The following P2RY14 variants were observed in gnomAD, a reference collection of about 807,000 sequenced individuals.
The protein encoded by P2RY14 is P2Y purinoceptor 14.
In P2RY14, 2 loss-of-function variants were observed where a neutral mutation model predicts 0.9. The observed-to-expected ratio is 2.16, with a 90% CI of 0.88 to 6.79. The LOEUF is 6.79. P2RY14 is among the 30% of genes most tolerant of loss of function. The pLI is 0.05. For missense variants in P2RY14, 378 were observed against 400.1 expected, an observed-to-expected ratio of 0.94 and a Z score of 0.47; for synonymous variants, 158 against 147.2, an observed-to-expected ratio of 1.07 and a Z score of -0.53.
At position 151,214,334 on chromosome 3, in the gene P2RY14, C is replaced by T. The variant is rs772689094; in HGVS notation, c.-18G>A. The stretch of plus-strand genomic sequence containing the variant: ...TTGATCATCTTGTAACTTCTGAAGG[C>T]AGAGGCCTGAAAAGAGGTGTGAACT... On this transcript the variant is annotated 5_prime_UTR_variant, in exon 3 of 3. Coordinates refer to ENST00000309170, the MANE Select transcript of P2RY14 (RefSeq NM_014879.4). 1 of 1,604,480 alleles carries T rather than the reference C, an allele frequency of 6.2e-7. No individual in the cohort carries two copies. The highest frequency in any genetic ancestry group is 8.5e-7 in the Non-Finnish European group (1 of 1,175,106).
Position 151,213,451 on chromosome 3 carries a change from C to T in P2RY14, c.866G>A (p.Cys289Tyr), listed in dbSNP as rs780730940. 1 of 1,614,178 alleles carries T rather than the reference C, an allele frequency of 6.2e-7. No individual in the cohort carries two copies. The highest frequency in any genetic ancestry group is 8.5e-7 in the Non-Finnish European group (1 of 1,180,016). Residue 289 changes from cysteine (C) to tyrosine (Y), a missense_variant, in exon 3 of 3, where the codon TGC (cysteine) becomes TAC (tyrosine). Cys to Tyr is a radical substitution (Grantham distance 194). Coordinates refer to ENST00000309170, the MANE Select transcript of P2RY14 (RefSeq NM_014879.4). ...AAAGAAATAAATAATAGGGTCCAAG[C>T]ATACATTTGCAGCAGATAGTAGCAG... ...FTLLLSAANVCLDPIIYFFLC... is the reference protein window; with the variant it reads ...FTLLLSAANVYLDPIIYFFLC...
At position 151,217,783 on chromosome 3, in the gene P2RY14, A is replaced by AT. The variant is rs201322769; in HGVS notation, c.-25+1751dup. Among the ~76,000 whole-genome samples, 833 of 151,860 alleles carry AT rather than the reference A, an allele frequency of 5.5e-3. 7 individuals carry two copies. The highest frequency in any genetic ancestry group is 0.013 in the African/African-American group (524 of 41,424). The stretch of plus-strand genomic sequence containing the variant: ...GTAATTTTTGAACTCTTAAATATTG[A>AT]TTTTTTTTTAAAAGCAGTGGGGTTA... On this transcript the variant is annotated intron_variant, in intron 2 of 2. Transcript: ENST00000309170.
At chr3:151,225,443 T>C (rs1730297176) in intron 1 of P2RY14, among the ~76,000 whole-genome samples, 4 of 152,192 alleles carry the variant, frequency 2.6e-5, no homozygotes, top group Admixed American at 2.6e-4. Context: ...CAAGTGAGCA[T>C]GTGAGACCAA....
intron 1 of P2RY14, among the ~76,000 whole-genome samples, chr3:151,260,389 G>C (rs930378511): frequency 6.6e-6 from 1 of 152,062 alleles, no homozygotes; most frequent in African/African-American, 2.4e-5. Context: ...TTGCTCTGTT[G>C]TCCAGGCTGG....
chr3:151,232,917 A>C (rs530959458), intron 1 of P2RY14, among the ~76,000 whole-genome samples: 2 of 152,200 alleles, frequency 1.3e-5, no homozygotes, highest in South Asian at 2.1e-4. Flanking sequence ...GTACCCTTGA[A>C]ACTAAATTTT....
chr3:151,272,790 A>G (rs1201013871), intron 1 of P2RY14, among the ~76,000 whole-genome samples: 1 of 152,070 alleles, frequency 6.6e-6, no homozygotes, highest in Non-Finnish European at 1.5e-5. Flanking sequence ...TTGACTCTCA[A>G]CTATGTACCA....
intron 1 of P2RY14, among the ~76,000 whole-genome samples, chr3:151,226,555 C>G (rs1369318730): frequency 6.6e-6 from 1 of 152,062 alleles, no homozygotes; most frequent in Non-Finnish European, 1.5e-5. Context: ...TGAATGTGAT[C>G]CTTTACACAG....
chr3:151,222,229 G>A (rs752379198), intron 1 of P2RY14, among the ~76,000 whole-genome samples: 16 of 152,202 alleles, frequency 1.1e-4, no homozygotes, highest in Non-Finnish European at 1.6e-4. Flanking sequence ...GCTCATAGGC[G>A]GAAGGGACTT....
At chr3:151,239,864 C>T (rs1369778093) in intron 1 of P2RY14, among the ~76,000 whole-genome samples, 1 of 152,208 alleles carries the variant, frequency 6.6e-6, no homozygotes, top group Non-Finnish European at 1.5e-5. Flanking sequence ...AAGGACACCA[C>T]ATTTTATGAA....
intron 1 of P2RY14, among the ~76,000 whole-genome samples, chr3:151,263,763 A>AC (rs140276177): frequency 1.2e-3 from 187 of 151,856 alleles, no homozygotes; most frequent in African/African-American, 2.0e-3. Context: ...TTCCCGTACC[A>AC]CCCCCCCCAC....
intron 1 of P2RY14, among the ~76,000 whole-genome samples, chr3:151,259,219 G>A (rs568671498): frequency 6.6e-6 from 1 of 152,304 alleles, no homozygotes; most frequent in Non-Finnish European, 1.5e-5. Flanking sequence ...ACAACTCTCT[G>A]AGAACAATGG....
chr3:151,237,602 C>T (rs1249035290), intron 1 of P2RY14, among the ~76,000 whole-genome samples: 6 of 151,986 alleles, frequency 3.9e-5, no homozygotes, highest in African/African-American at 7.2e-5. Flanking sequence ...CTGCCCGCCT[C>T]GGCCTCCCAA....
rs63714361 is a variant in P2RY14 at position 151,258,851 on chromosome 3, CAAA to C, written c.-133+19433_-133+19435del. Among the ~76,000 whole-genome samples, 41 of 89,906 alleles carry C rather than the reference CAAA, an allele frequency of 4.6e-4. 1 individual carries two copies. Among genetic ancestry groups the C allele is most frequent in the Middle Eastern group, 6.8e-3 (1 of 146 alleles). The allele number at this position is 89,906 out of a possible 152,430, so 59.0% of individuals were successfully genotyped here. ...TGGGCGACAGAGCAAGATTCTGTCTCAAAAAAAAAAAAAAAAAAAAAAGTCCTT... is the reference window on the plus strand; with the variant it reads ...TGGGCGACAGAGCAAGATTCTGTCTCAAAAAAAAAAAAAAAAAAAGTCCTT... On this transcript the variant is annotated intron_variant, in intron 1 of 2. Transcript: ENST00000309170.
At chr3:151,227,851 G>C (rs1158108241) in intron 1 of P2RY14, among the ~76,000 whole-genome samples, 1 of 152,090 alleles carries the variant, frequency 6.6e-6, no homozygotes, top group Non-Finnish European at 1.5e-5. Context: ...GTTCTTTGTG[G>C]GTAGGCTGTC....
intron 1 of P2RY14, among the ~76,000 whole-genome samples, chr3:151,233,734 A>T (rs1361818489): frequency 1.3e-5 from 2 of 152,164 alleles, no homozygotes; most frequent in Admixed American, 1.3e-4. Context: ...ACTCCGTCTC[A>T]AAAAAACAAA....
intron 1 of P2RY14, among the ~76,000 whole-genome samples, chr3:151,244,216 A>C (rs1418419826): frequency 2.2e-5 from 3 of 136,984 alleles, no homozygotes; most frequent in African/African-American, 7.8e-5. Context: ...AACGAGACAG[A>C]AAGTCAACAA....
intron 1 of P2RY14, among the ~76,000 whole-genome samples, chr3:151,268,280 A>G (rs1740225430): frequency 1.3e-5 from 2 of 152,256 alleles, no homozygotes; most frequent in South Asian, 4.1e-4. Flanking sequence ...TCAGTTTTCA[A>G]CAGAGCTGCT....
intron 2 of P2RY14, among the ~76,000 whole-genome samples, chr3:151,215,742 T>G (rs1728089103): frequency 6.6e-6 from 1 of 152,234 alleles, no homozygotes; most frequent in Non-Finnish European, 1.5e-5. Context: ...CCTTTAGTAG[T>G]CTGTCCTTGC....
intron 1 of P2RY14, among the ~76,000 whole-genome samples, chr3:151,225,593 C>A (rs7649855): frequency 0.02 from 3,076 of 152,124 alleles, 88 homozygotes; most frequent in African/African-American, 0.07. Context: ...AATTTTGAAA[C>A]GGACACTCAA....
Sources: allele counts gnomAD v4.1 joint callset (sites outside exome capture counted in the v4.1 genomes callset), GRCh38; gene constraint gnomAD v4.1.1; transcripts MANE v1.5; gene names NCBI Gene and HGNC (gene_info 2026-07-23, HGNC 2026-07-21).